PCSK1: variants seen among roughly 807,000 people sequenced by gnomAD.
PCSK1 encodes the protein neuroendocrine convertase 1.
Under a neutral mutation model 90.6 loss-of-function variants are expected in PCSK1, and 56 were observed. The observed-to-expected ratio is 0.62, with a 90% CI of 0.50 to 0.77. The LOEUF (loss-of-function observed/expected upper bound fraction) is 0.77. Ranked by LOEUF, PCSK1 falls within the 30% of genes least tolerant of loss-of-function variation. The pLI is 0.00. For missense variants in PCSK1, 801 were observed against 932.6 expected (o/e 0.86, Z 1.84); for synonymous variants, 348 against 342.4 (o/e 1.02, Z -0.18).
rs376246465 is a variant in PCSK1 at position 96,429,200 on chromosome 5, G to T, written c.285+13C>A. 35 of 1,289,862 alleles carry T rather than the reference G, an allele frequency of 2.7e-5. No individual in the cohort carries two copies. The highest frequency in any genetic ancestry group is 3.7e-5 in the Non-Finnish European group (33 of 884,896). 79.9% of individuals were successfully genotyped at this position (1,289,862 alleles called of 1,614,324 possible). ...CTAGAGTATTGGTTTGAAGACAAAT[G>T]TACAACACTTACACGATCATCATCA... On this transcript the variant is annotated intron_variant, in intron 2 of 13. Transcript: ENST00000311106.
chr5:96,392,826 C>G lies in PCSK1; in HGVS notation c.*175G>C. ...CCTATGATCAATTCTGGAAGTTGAA[C>G]TTCCTGCTTGAGCTCATCCCCTTCA... is the stretch of plus-strand genomic sequence containing the variant. On this transcript the variant is annotated 3_prime_UTR_variant, in exon 14 of 14. Transcript: ENST00000311106. 2.9e-6 allele frequency: 2 copies of G among 684,596 alleles called. No individual in the cohort carries two copies. Among genetic ancestry groups the G allele is most frequent in the Non-Finnish European group, 5.1e-6 (2 of 389,258 alleles). 42.4% of individuals were successfully genotyped at this position (684,596 alleles called of 1,614,324 possible). A position where few individuals can be genotyped will look rare whatever the true frequency, so the allele number is the denominator to read the frequency against.
intron 7 of PCSK1, 42 bp downstream of exon 7, chr5:96,412,276 G>T: frequency 1.3e-6 from 2 of 1,497,650 alleles, no homozygotes; most frequent in South Asian, 2.3e-5. Context: ...ATATCCAGAT[G>T]GTCAGGTTTC....
intron 2 of PCSK1, among the ~76,000 whole-genome samples, chr5:96,428,167 A>G (rs959353113): frequency 3.2e-4 from 48 of 152,322 alleles, no homozygotes; most frequent in Non-Finnish European, 7.4e-5. Flanking sequence ...TATCAGTTTC[A>G]GAATGAATAA....
chr5:96,399,287 A>T (rs1278904390), intron 10 of PCSK1, among the ~76,000 whole-genome samples: 1 of 152,228 alleles, frequency 6.6e-6, no homozygotes, highest in African/African-American at 2.4e-5. Flanking sequence ...TTGTAGACCC[A>T]TCAAAAAGCC....
At chr5:96,425,048 GAAAGAAAGAAAGAAAGAA>G (rs1012653639) in intron 3 of PCSK1, among the ~76,000 whole-genome samples, 7 of 123,866 alleles carry the variant, frequency 5.7e-5, no homozygotes, top group African/African-American at 2.0e-4. Context: ...AAGAAAGAAA[GAAAGAAAGAAAGAAAGAA>G]AGAAAGAAAA....
intron 8 of PCSK1, among the ~76,000 whole-genome samples, chr5:96,409,051 G>A (rs189017276): frequency 2.6e-5 from 4 of 152,330 alleles, no homozygotes; most frequent in East Asian, 1.9e-4. Context: ...AGACTTACCC[G>A]AGATGTTCTC....
At chr5:96,417,730 T>A (rs1760980804) in intron 5 of PCSK1, among the ~76,000 whole-genome samples, 1 of 152,208 alleles carries the variant, frequency 6.6e-6, no homozygotes, top group South Asian at 2.1e-4. Context: ...TGTTACTTAA[T>A]CTTTGAGTTA....
At chr5:96,394,691 A>G (rs1257220512) in intron 13 of PCSK1, among the ~76,000 whole-genome samples, 173 bp downstream of exon 13, 1 of 152,214 alleles carries the variant, frequency 6.6e-6, no homozygotes, top group Non-Finnish European at 1.5e-5. Context: ...TAAAATATTG[A>G]ATGAAAAAAA....
intron 3 of PCSK1, among the ~76,000 whole-genome samples, chr5:96,425,021 AAAGAAAGAAAGAAAGAAAG>A (rs1761248806): frequency 1.6e-5 from 1 of 63,484 alleles, no homozygotes; most frequent in Non-Finnish European, 3.5e-5. Context: ...AGAAAGAAAG[AAAGAAAGAAAGAAAGAAAG>A]AAAGAAAGAA....
intron 3 of PCSK1, 86 bp downstream of exon 3, chr5:96,425,728 TAAAAAA>T: frequency 3.1e-6 from 2 of 655,146 alleles, no homozygotes; most frequent in Admixed American, 2.4e-5. Flanking sequence ...TTCTCCATCA[TAAAAAA>T]AAAAAAAAAT....
At chr5:96,425,014 AAG>A (rs1761246404) in intron 3 of PCSK1, among the ~76,000 whole-genome samples, 1 of 45,942 alleles carries the variant, frequency 2.2e-5, no homozygotes, top group Non-Finnish European at 4.6e-5. Flanking sequence ...AAAGAAAAGA[AAG>A]AAAGAAAGAA....
intron 5 of PCSK1, among the ~76,000 whole-genome samples, chr5:96,418,240 C>T (rs1244176666): frequency 6.6e-6 from 1 of 152,186 alleles, no homozygotes; most frequent in Admixed American, 6.5e-5. Flanking sequence ...TCTTTATAGG[C>T]CGCAGCTCTT....
At chr5:96,402,433 G>A (rs190711338) in intron 9 of PCSK1, among the ~76,000 whole-genome samples, 21 of 152,218 alleles carry the variant, frequency 1.4e-4, no homozygotes, top group African/African-American at 5.1e-4. Context: ...CCTTGGTCAG[G>A]CCTCCTCGTG....
At chr5:96,399,668 T>C (rs764310541) in intron 10 of PCSK1, among the ~76,000 whole-genome samples, 1 of 152,138 alleles carries the variant, frequency 6.6e-6, no homozygotes, top group South Asian at 2.1e-4. Context: ...ATCTTAAAAC[T>C]GATGGGTGGT....
chr5:96,423,016 C>T (rs1218126665), intron 4 of PCSK1, among the ~76,000 whole-genome samples: 1 of 152,176 alleles, frequency 6.6e-6, no homozygotes, highest in African/African-American at 2.4e-5. Context: ...ATGCCCCAAA[C>T]ACTGAGCAAC....
intron 5 of PCSK1, among the ~76,000 whole-genome samples, 158 bp from the exon 6 acceptor site, chr5:96,416,279 T>C (rs540885930): frequency 1.3e-5 from 2 of 152,356 alleles, no homozygotes; most frequent in South Asian, 4.1e-4. Flanking sequence ...AAACTTATGT[T>C]CAGATGAAGG....
At chr5:96,404,548 G>A (rs144436893) in intron 9 of PCSK1, among the ~76,000 whole-genome samples, 325 of 152,244 alleles carry the variant, frequency 2.1e-3, no homozygotes, top group African/African-American at 7.6e-3. Flanking sequence ...ATTTAACACA[G>A]CATATTGAGT....
intron 13 of PCSK1, 31 bp from the exon 14 acceptor site, chr5:96,393,409 A>G (rs1760024220): frequency 1.2e-6 from 2 of 1,612,586 alleles, no homozygotes; most frequent in East Asian, 4.5e-5. Context: ...CACAAAGGGA[A>G]GAAGGTTCAT....
At chr5:96,397,306 G>A in intron 12 of PCSK1, 30 bp downstream of exon 12, 1 of 1,601,832 alleles carries the variant, frequency 6.2e-7, no homozygotes. Flanking sequence ...AAGTAAGCTT[G>A]TGTTTTTTCA....
Sources: allele counts gnomAD v4.1 joint callset (sites outside exome capture counted in the v4.1 genomes callset), GRCh38; gene constraint gnomAD v4.1.1; transcripts MANE v1.5; gene names NCBI Gene and HGNC (gene_info 2026-07-23, HGNC 2026-07-21).